Variants in MMS22L observed in about 807,000 individuals in gnomAD.
MMS22L encodes the protein protein MMS22-like.
MMS22L carries 74 observed loss-of-function variants against 159.1 expected under a neutral mutation model. The ratio of observed to expected loss-of-function variants is 0.47; its 90% CI spans 0.39 to 0.56. The LOEUF (loss-of-function observed/expected upper bound fraction) is 0.56, where lower values mean the gene tolerates loss of function less well. Among genes scored for constraint, MMS22L ranks in the 20% least tolerant of loss-of-function variants. The probability of loss-of-function intolerance (pLI) is 0.00; values close to 1 mark genes in which losing one functional copy is unlikely to be tolerated. For synonymous variants in MMS22L, 517 were observed against 506.9 expected (o/e 1.02, Z -0.27); for missense variants, 1,351 against 1,422.1 (o/e 0.95, Z 0.80).
intron 10 of MMS22L, among the ~76,000 whole-genome samples, chr6:97,247,056 C>A (rs1812735888): frequency 1.4e-5 from 2 of 147,536 alleles, no homozygotes; most frequent in Non-Finnish European, 3.0e-5. Flanking sequence ...GAGTAATCAT[C>A]CCTATTTTCC....
chr6:97,230,274 T>A (rs908696756), intron 13 of MMS22L: 7 of 150,386 alleles, frequency 4.7e-5, no homozygotes, highest in Admixed American at 1.3e-4. Context: ...TTTTTTTTTT[T>A]TTTTTTTTTT....
intron 9 of MMS22L, among the ~76,000 whole-genome samples, chr6:97,255,983 T>C (rs1813765198): frequency 6.6e-6 from 1 of 152,106 alleles, no homozygotes; most frequent in South Asian, 2.1e-4. Context: ...ATATATTCTG[T>C]TTTAGAATAT....
intron 13 of MMS22L, chr6:97,231,211 G>A: frequency 2.0e-6 from 1 of 492,450 alleles, no homozygotes; most frequent in Non-Finnish European, 3.6e-6. Context: ...TGGGCTCAAA[G>A]AACACAAAAG....
At chr6:97,178,771 C>T (rs922218915) in intron 17 of MMS22L, among the ~76,000 whole-genome samples, 186 bp from the exon 18 acceptor site, 2 of 152,028 alleles carry the variant, frequency 1.3e-5, no homozygotes, top group Admixed American at 6.6e-5. Context: ...CACTTATGAA[C>T]ATCCTTGCCC....
intron 10 of MMS22L, among the ~76,000 whole-genome samples, chr6:97,251,280 G>A (rs1284339040): frequency 1.3e-5 from 2 of 152,140 alleles, no homozygotes; most frequent in African/African-American, 4.8e-5. Context: ...AGATAAAATA[G>A]GGTGATATTT....
At chr6:97,161,028 C>A (rs1342826399) in intron 22 of MMS22L, among the ~76,000 whole-genome samples, 1 of 152,028 alleles carries the variant, frequency 6.6e-6, no homozygotes, top group East Asian at 1.9e-4. Context: ...ACTTTGAAGT[C>A]TTTGTCTGTT....
At chr6:97,279,901 G>A (rs1816606065) in intron 3 of MMS22L, among the ~76,000 whole-genome samples, 1 of 152,070 alleles carries the variant, frequency 6.6e-6, no homozygotes, top group South Asian at 2.1e-4. Flanking sequence ...AAGGAATAAT[G>A]TAGACTAAAG....
chr6:97,167,542 G>A (rs1182222324), intron 20 of MMS22L, among the ~76,000 whole-genome samples: 1 of 151,954 alleles, frequency 6.6e-6, no homozygotes. Context: ...CTACTTCTCT[G>A]CTCCAAATTC....
At chr6:97,197,823 T>C (rs1406434951) in intron 14 of MMS22L, among the ~76,000 whole-genome samples, 1 of 152,146 alleles carries the variant, frequency 6.6e-6, no homozygotes, top group African/African-American at 2.4e-5. Flanking sequence ...CACCAATCTA[T>C]CTAACTTAGC....
chr6:97,237,251 C>T (rs1002903493), intron 11 of MMS22L, among the ~76,000 whole-genome samples: 11 of 152,130 alleles, frequency 7.2e-5, no homozygotes, highest in Non-Finnish European at 1.2e-4. Flanking sequence ...TACCCAATAA[C>T]GTCAGGGTCA....
At chr6:97,188,020 C>T (rs1278704175) in intron 14 of MMS22L, among the ~76,000 whole-genome samples, 1 of 152,110 alleles carries the variant, frequency 6.6e-6, no homozygotes, top group Non-Finnish European at 1.5e-5. Flanking sequence ...AAAAGCTAAC[C>T]AAATATCTGC....
intron 11 of MMS22L, among the ~76,000 whole-genome samples, chr6:97,242,515 T>C (rs13200442): frequency 0.037 from 5,570 of 152,318 alleles, 114 homozygotes; most frequent in Middle Eastern, 0.068. Context: ...AGACAGCAGA[T>C]ACTTGGTTGG....
At chr6:97,281,992 C>T (rs1055420213) in intron 2 of MMS22L, among the ~76,000 whole-genome samples, 2 of 152,182 alleles carry the variant, frequency 1.3e-5, no homozygotes, top group African/African-American at 4.8e-5. Flanking sequence ...AATATTATCA[C>T]ACTCTTTAGA....
Position 97,149,952 on chromosome 6 carries a change from G to A in MMS22L, c.3551C>T (p.Thr1184Ile). The change falls in exon 24 of 25, where the codon ACA becomes ATA. Residue 1184 changes from threonine to isoleucine, a missense_variant. Thr to Ile is a moderately conservative substitution (Grantham distance 89). Coordinates refer to ENST00000683635, the MANE Select transcript of MMS22L (RefSeq NM_001350599.2). ...GTGGATGACAACCTGCTGGTCCAAT[G>A]TTGCTACTGTTTCTAAAATGCTGTA... The part of the protein sequence containing the change: ...QVYSILETVA[T>I]LDQQVVIHLI... 6.2e-7 allele frequency: 1 copy of A among 1,613,616 alleles called. No individual in the cohort carries two copies. The highest frequency in any genetic ancestry group is 1.1e-5 in the South Asian group (1 of 91,052).
At chr6:97,150,129 A>G in intron 23 of MMS22L, 109 bp from the exon 24 acceptor site, 2 of 769,074 alleles carry the variant, frequency 2.6e-6, no homozygotes, top group South Asian at 4.3e-5. Flanking sequence ...ATTTCATAAA[A>G]GTTTACTGTA....
intron 15 of MMS22L, 60 bp from the exon 16 acceptor site, chr6:97,182,114 C>T: frequency 7.1e-7 from 1 of 1,406,862 alleles, no homozygotes; most frequent in South Asian, 1.4e-5. Context: ...TTCTGACCCA[C>T]ACACCCCTGG....
chr6:97,202,815 T>C (rs1263160146), intron 14 of MMS22L, among the ~76,000 whole-genome samples: 2 of 152,210 alleles, frequency 1.3e-5, no homozygotes, highest in East Asian at 3.8e-4. Flanking sequence ...CACAGAATTA[T>C]TTATAAGAGG....
chr6:97,225,296 C>T (rs919133688), intron 14 of MMS22L, among the ~76,000 whole-genome samples: 6 of 151,878 alleles, frequency 4.0e-5, no homozygotes, highest in Non-Finnish European at 8.8e-5. Flanking sequence ...TCTATCCAGC[C>T]TTCAAATTAA....
At chr6:97,231,937 T>C (rs1193996659) in intron 12 of MMS22L, among the ~76,000 whole-genome samples, 1 of 152,208 alleles carries the variant, frequency 6.6e-6, no homozygotes, top group African/African-American at 2.4e-5. Flanking sequence ...CATGGCACTG[T>C]GGGCTCTTTT....
Sources: gnomAD v4.1 joint callset for allele counts (sites outside exome capture counted in the v4.1 genomes callset) on GRCh38, gnomAD v4.1.1 for gene constraint, MANE v1.5 for transcripts, NCBI Gene and HGNC (gene_info 2026-07-23, HGNC 2026-07-21) for gene names.